Variants in SPMAP1 observed in about 807,000 individuals in gnomAD.
SPMAP1 encodes sperm microtubule associated protein 1.
the SPMAP1 span, chr17:38,835,293 G>T: frequency 6.2e-7 from 1 of 1,614,032 alleles, no homozygotes; most frequent in East Asian, 2.2e-5. Context: ...CCATCGATCG[G>T]TTTCAGATCA....
At chr17:38,837,813 T>TA in the SPMAP1 span, among the ~76,000 whole-genome samples, 1 of 152,164 alleles carries the variant, frequency 6.6e-6, no homozygotes, top group African/African-American at 2.4e-5. Flanking sequence ...GCTCAACCAT[T>TA]AACAGGCTTT....
chr17:38,835,482 T>C, the SPMAP1 span: 1 of 919,028 alleles, frequency 1.1e-6, no homozygotes, highest in Non-Finnish European at 1.7e-6. Context: ...AATCCACAAG[T>C]GTCCTGAGAC....
At chr17:38,839,200 G>T in the SPMAP1 span, among the ~76,000 whole-genome samples, 4 of 151,036 alleles carry the variant, frequency 2.6e-5, no homozygotes, top group Non-Finnish European at 4.4e-5. Flanking sequence ...CCAGACTCTG[G>T]TTCCTTCTGT....
the SPMAP1 span, among the ~76,000 whole-genome samples, chr17:38,839,535 C>T: frequency 6.6e-6 from 1 of 150,690 alleles, no homozygotes; most frequent in East Asian, 1.9e-4. Context: ...ACACCTGTAT[C>T]CCAGCACTTT....
At chr17:38,835,710 T>G in the SPMAP1 span, among the ~76,000 whole-genome samples, 14 of 152,172 alleles carry the variant, frequency 9.2e-5, no homozygotes, top group Admixed American at 5.9e-4. Context: ...ATGGATGAGA[T>G]CAAGATCAAT....
chr17:38,840,776 A>C, the SPMAP1 span, among the ~76,000 whole-genome samples: 1 of 151,914 alleles, frequency 6.6e-6, no homozygotes, highest in Non-Finnish European at 1.5e-5. Context: ...ACCGCACTCC[A>C]GCCTGGGCGA....
chr17:38,835,454 TC>T, the SPMAP1 span: 1 of 1,183,794 alleles, frequency 8.4e-7, no homozygotes, highest in Non-Finnish European at 1.2e-6. Context: ...TCACTTGCAT[TC>T]CCCATGCTGA....
chr17:38,838,250 C>A, the SPMAP1 span, among the ~76,000 whole-genome samples: 5 of 151,948 alleles, frequency 3.3e-5, no homozygotes, highest in Admixed American at 3.3e-4. Flanking sequence ...TAAATGTTAT[C>A]TTTATTTAAA....
the SPMAP1 span, chr17:38,841,371 A>G: frequency 2.5e-6 from 4 of 1,613,922 alleles, no homozygotes; most frequent in Non-Finnish European, 3.4e-6. Flanking sequence ...CGCAGGCGAC[A>G]CTCGCTCAGG....
chr17:38,836,455 C>G, the SPMAP1 span, among the ~76,000 whole-genome samples: 2 of 152,010 alleles, frequency 1.3e-5, no homozygotes, highest in Non-Finnish European at 2.9e-5. Flanking sequence ...AAAAAATTAA[C>G]TGAGTGTGGT....
chr17:38,840,514 G>GTA, the SPMAP1 span, among the ~76,000 whole-genome samples: 1 of 146,820 alleles, frequency 6.8e-6, no homozygotes, highest in East Asian at 2.1e-4. Flanking sequence ...CTTTCCTCCA[G>GTA]TCCTCGGGCT....
At chr17:38,838,531 CAG>C in the SPMAP1 span, among the ~76,000 whole-genome samples, 34 of 151,954 alleles carry the variant, frequency 2.2e-4, no homozygotes, top group Admixed American at 2.2e-3. Flanking sequence ...ACCCAGGAGA[CAG>C]AGGTTGAAGT....
At chr17:38,836,505 T>C in the SPMAP1 span, among the ~76,000 whole-genome samples, 23 of 150,516 alleles carry the variant, frequency 1.5e-4, no homozygotes, top group African/African-American at 5.4e-4. Flanking sequence ...GAGGCTGAGG[T>C]GGGAGGATTG....
chr17:38,841,350 C>T, the SPMAP1 span: 9 of 1,614,216 alleles, frequency 5.6e-6, no homozygotes, highest in South Asian at 1.1e-5. Context: ...AAGATAAAGC[C>T]TTTCTCCAGT....
the SPMAP1 span, chr17:38,837,165 T>A: frequency 6.2e-7 from 1 of 1,613,492 alleles, no homozygotes; most frequent in Admixed American, 1.7e-5. Context: ...TTTCTCCTGT[T>A]GAGGTATCTT....
At chr17:38,837,353 T>C in the SPMAP1 span, 1 of 760,508 alleles carries the variant, frequency 1.3e-6, no homozygotes, top group Non-Finnish European at 2.4e-6. Flanking sequence ...GGTCAGAGCC[T>C]TAGGTAACTG....
At chr17:38,835,292 G>T in the SPMAP1 span, 1 of 1,614,150 alleles carries the variant, frequency 6.2e-7, no homozygotes, top group Non-Finnish European at 8.5e-7. Flanking sequence ...CCCATCGATC[G>T]GTTTCAGATC....
chr17:38,839,209 G>A, the SPMAP1 span, among the ~76,000 whole-genome samples: 1 of 150,306 alleles, frequency 6.7e-6, no homozygotes, highest in Non-Finnish European at 1.5e-5. Flanking sequence ...GGTTCCTTCT[G>A]TCGTAAAATT....
chr17:38,835,240 G>T, the SPMAP1 span: 25 of 1,614,242 alleles, frequency 1.5e-5, no homozygotes, highest in Non-Finnish European at 2.1e-5. Context: ...TGCTCTGACG[G>T]AGGGCTGGAG....
Sources: gnomAD v4.1 joint callset for allele counts (sites outside exome capture counted in the v4.1 genomes callset) on GRCh38, gnomAD v4.1.1 for gene constraint, MANE v1.5 for transcripts, NCBI Gene and HGNC (gene_info 2026-07-23, HGNC 2026-07-21) for gene names.